The following PHLDB2 variants were observed in gnomAD, a reference collection of about 807,000 sequenced individuals.
PHLDB2 encodes pleckstrin homology like domain family B member 2, also known as pleckstrin homology-like domain family B member 2.
In PHLDB2, 71 loss-of-function variants were observed where a neutral mutation model predicts 123.6. The ratio of observed to expected loss-of-function variants is 0.57; its 90% CI spans 0.47 to 0.70. The LOEUF (loss-of-function observed/expected upper bound fraction) is 0.70, where lower values mean the gene tolerates loss of function less well. Among genes scored for constraint, PHLDB2 ranks in the 30% least tolerant of loss-of-function variants. The pLI, the probability that PHLDB2 is intolerant of heterozygous loss-of-function variation, is 0.00. For synonymous variants in PHLDB2, 547 were observed against 541.6 expected (o/e 1.01, Z -0.14); for missense variants, 1,446 against 1,519.5 (o/e 0.95, Z 0.80).
rs780250895 is a variant in PHLDB2 at position 111,967,681 on chromosome 3, C to T, written c.3172C>T (p.Arg1058Trp). 106 of 1,584,992 alleles carry T rather than the reference C, an allele frequency of 6.7e-5. No individual in the cohort carries two copies. The highest frequency in any genetic ancestry group is 1.7e-4 in the Middle Eastern group (1 of 5,912). The change falls in exon 15 of 18, where the codon CGG (arginine) becomes TGG (tryptophan). Residue 1058 changes from arginine (R) to tryptophan (W), a missense_variant. Coordinates refer to ENST00000431670, the MANE Select transcript of PHLDB2 (RefSeq NM_001134438.2). ...EKTRLLESRE[R>W]EMEAKKRALE... ...CATTGTTATGCATAATGTTTAGGAA[C>T]GGGAAATGGAAGCCAAAAAACGAGC...
intron 14 of PHLDB2, among the ~76,000 whole-genome samples, chr3:111,967,287 C>T (rs897549860): frequency 6.6e-6 from 1 of 152,164 alleles, no homozygotes; most frequent in African/African-American, 2.4e-5. Flanking sequence ...TTAGAGGGAC[C>T]ATGGCCTTCA....
chr3:111,822,369 C>T (rs564778790), intron 1 of PHLDB2, among the ~76,000 whole-genome samples: 28 of 150,360 alleles, frequency 1.9e-4, no homozygotes, highest in Middle Eastern at 3.4e-3. Context: ...TGCCAATATT[C>T]GAACAACTGT....
intron 5 of PHLDB2, among the ~76,000 whole-genome samples, chr3:111,923,206 G>A (rs1007787468): frequency 1.3e-4 from 20 of 152,014 alleles, no homozygotes; most frequent in African/African-American, 4.1e-4. Context: ...ATTCTCTCCT[G>A]TTAAGACTAC....
At chr3:111,900,951 G>C (rs566719597) in intron 2 of PHLDB2, among the ~76,000 whole-genome samples, 1 of 151,986 alleles carries the variant, frequency 6.6e-6, no homozygotes, top group East Asian at 1.9e-4. Context: ...GATGAGGCTG[G>C]CTTCAAGCGA....
rs1417688462 is a variant in PHLDB2, at chr3:111,831,022, AAAGAAAGAAAGGAAGGAAGG to A, written c.-48-14790_-48-14771del. On this transcript the variant is annotated intron_variant, in intron 1 of 17. Transcript: ENST00000393923. ...GAAAGAAAGAAAGAAAGAAAGAAAGAAAGAAAGAAAGGAAGGAAGGAAGAAAGAGAAAAGAGAGAGATAGA... is the reference window on the plus strand; with the variant it reads ...GAAAGAAAGAAAGAAAGAAAGAAAGAAAGAAAGAGAAAAGAGAGAGATAGA... 2.0e-3 allele frequency among the ~76,000 whole-genome samples: 221 copies of A among 111,562 alleles called. 28 individuals carry two copies. Among genetic ancestry groups the A allele is most frequent in the Middle Eastern group, 4.7e-3 (1 of 214 alleles). The allele number at this position is 111,562 out of a possible 152,430, so 73.2% of individuals were successfully genotyped here. A position where few individuals can be genotyped will look rare whatever the true frequency, so the allele number is the denominator to read the frequency against.
rs548783268 is a variant in PHLDB2 at position 111,776,437 on chromosome 3, T to C, written c.-49+43734T>C. ...TATGGGATTTGATATCTATTTTAAA[T>C]CAAATATTAATTTACTAACTGAGTG... On this transcript the variant is annotated intron_variant, in intron 1 of 17. Transcript: ENST00000393923. Among the ~76,000 whole-genome samples the C allele has an allele frequency of 2.6e-5, 4 of 152,244 alleles. No homozygotes were observed. The East Asian group carries it at 7.7e-4, about 29-fold the overall frequency.
intron 1 of PHLDB2, among the ~76,000 whole-genome samples, chr3:111,741,271 C>G (rs1016899476): frequency 1.3e-5 from 2 of 152,168 alleles, no homozygotes; most frequent in Non-Finnish European, 2.9e-5. Flanking sequence ...CATGGGTCTC[C>G]CATCTGTGCC....
At chr3:111,856,621 C>A (rs552194154), upstream of PHLDB2, among the ~76,000 whole-genome samples, 1 of 152,284 alleles carries the variant, frequency 6.6e-6, no homozygotes, top group East Asian at 1.9e-4. Flanking sequence ...CTCCTTAGAC[C>A]TGAAGGGAGA....
At chr3:111,849,867 T>A (rs1056652479) in intron 2 of PHLDB2, among the ~76,000 whole-genome samples, 1 of 151,880 alleles carries the variant, frequency 6.6e-6, no homozygotes, top group East Asian at 1.9e-4. Context: ...GAGGCCATTA[T>A]TCTTTTTTTT....
chr3:111,937,884 A>G (rs972350981), intron 6 of PHLDB2, among the ~76,000 whole-genome samples: 1 of 152,208 alleles, frequency 6.6e-6, no homozygotes, highest in Admixed American at 6.5e-5. Context: ...GTTTAAACAA[A>G]AAGTATATTA....
At chr3:111,909,217 T>C (rs2067732101) in intron 2 of PHLDB2, among the ~76,000 whole-genome samples, 1 of 152,210 alleles carries the variant, frequency 6.6e-6, no homozygotes, top group South Asian at 2.1e-4. Flanking sequence ...GTGTACTGTT[T>C]ACCCATCTGT....
At chr3:111,938,766 AAAG>A (rs1338098225) in intron 6 of PHLDB2, among the ~76,000 whole-genome samples, 2 of 151,992 alleles carry the variant, frequency 1.3e-5, no homozygotes, top group Admixed American at 6.6e-5. Flanking sequence ...AAATTGAAGA[AAAG>A]AAGAGCTTCC....
intron 1 of PHLDB2, among the ~76,000 whole-genome samples, chr3:111,800,946 C>T (rs1320563548): frequency 6.6e-6 from 1 of 152,114 alleles, no homozygotes; most frequent in African/African-American, 2.4e-5. Flanking sequence ...AAGTATAATA[C>T]ATTGCCTTCA....
chr3:111,795,579 C>A (rs1388166070), intron 1 of PHLDB2, among the ~76,000 whole-genome samples: 1 of 152,200 alleles, frequency 6.6e-6, no homozygotes, highest in Non-Finnish European at 1.5e-5. Context: ...AATCTCACTT[C>A]CATACATCTT....
At chr3:111,966,414 T>C (rs1208219737) in intron 13 of PHLDB2, among the ~76,000 whole-genome samples, 199 bp from the exon 14 acceptor site, 1 of 152,152 alleles carries the variant, frequency 6.6e-6, no homozygotes, top group Non-Finnish European at 1.5e-5. Context: ...AGAGTTGAAT[T>C]GATTTGCCTC....
intron 1 of PHLDB2, among the ~76,000 whole-genome samples, chr3:111,827,544 A>G (rs940619727): frequency 1.3e-5 from 2 of 152,078 alleles, no homozygotes; most frequent in Non-Finnish European, 2.9e-5. Context: ...GTGTTGTGGC[A>G]GGCGCCTGTA....
chr3:111,853,090 T>A (rs1275114232), intron 2 of PHLDB2, among the ~76,000 whole-genome samples: 1 of 152,178 alleles, frequency 6.6e-6, no homozygotes. Flanking sequence ...ATGTTATTTA[T>A]ACTTTATCTA....
At chr3:111,947,271 G>A (rs1394577767) in intron 9 of PHLDB2, among the ~76,000 whole-genome samples, 1 of 151,512 alleles carries the variant, frequency 6.6e-6, no homozygotes, top group Non-Finnish European at 1.5e-5. Flanking sequence ...ATTTCCTGCA[G>A]ACATTCTGAT....
At chr3:111,903,403 A>G (rs2067313331) in intron 2 of PHLDB2, among the ~76,000 whole-genome samples, 1 of 152,204 alleles carries the variant, frequency 6.6e-6, no homozygotes, top group Non-Finnish European at 1.5e-5. Context: ...TCCCCAGGTT[A>G]CTATGGCAAC....
Sources: gnomAD v4.1 joint callset for allele counts (sites outside exome capture counted in the v4.1 genomes callset) on GRCh38, gnomAD v4.1.1 for gene constraint, MANE v1.5 for transcripts, NCBI Gene and HGNC (gene_info 2026-07-23, HGNC 2026-07-21) for gene names.